Variants in AMOTL1 observed in about 807,000 individuals in gnomAD.
AMOTL1 encodes angiomotin-like protein 1.
A neutral mutation model predicts 102.9 loss-of-function variants in AMOTL1; 45 were observed. The ratio of observed to expected loss-of-function variants is 0.44; its 90% CI spans 0.34 to 0.56. AMOTL1 has a LOEUF of 0.56. Ranked by LOEUF, AMOTL1 falls within the 20% of genes least tolerant of loss-of-function variation. AMOTL1 has a pLI of 0.01. For synonymous variants in AMOTL1, 481 were observed against 484.7 expected, an observed-to-expected ratio of 0.99 and a Z score of 0.10; for missense variants, 1,114 against 1,225.6, an observed-to-expected ratio of 0.91 and a Z score of 1.36.
chr11:94,868,887 T>C (rs1952935000), intron 11 of AMOTL1, among the ~76,000 whole-genome samples: 3 of 151,026 alleles, frequency 2.0e-5, no homozygotes, highest in South Asian at 2.1e-4. Context: ...TTTATTTGTA[T>C]CCTACAGTTT....
intron 3 of AMOTL1, among the ~76,000 whole-genome samples, chr11:94,747,109 G>T (rs558285770): frequency 3.9e-5 from 6 of 152,014 alleles, no homozygotes; most frequent in Non-Finnish European, 8.8e-5. Context: ...AAAACTTGAA[G>T]TTTTGAAAGT....
rs1400699142 is a variant in AMOTL1 at position 94,866,181 on chromosome 11, C to T, written c.2488+13C>T. 1.2e-6 allele frequency: 2 copies of T among 1,611,824 alleles called. No individual in the cohort carries two copies. Among genetic ancestry groups the T allele is most frequent in the Non-Finnish European group, 1.7e-6 (2 of 1,178,240 alleles). On this transcript the variant is annotated intron_variant, in intron 11 of 12. Coordinates refer to ENST00000433060, the MANE Select transcript of AMOTL1 (RefSeq NM_130847.3). ...AAGGGGAGCATAGGTGAGCCCCACA[C>T]CTCTGTCAGACCATGATTGGAAAAG...
rs978424582 is a variant in AMOTL1 at position 94,799,308 on chromosome 11, T to C, written c.200-82T>C. Reference sequence around the variant, plus strand: ...TTTTTAAATGTTGCTGTAGTTAGAATGTTAATTATGTACCACATAGTCACA... The same window carrying C: ...TTTTTAAATGTTGCTGTAGTTAGAACGTTAATTATGTACCACATAGTCACA... On this transcript the variant is annotated intron_variant, in intron 2 of 12. Coordinates refer to ENST00000433060, the MANE Select transcript of AMOTL1 (RefSeq NM_130847.3). This position sits in a 1 kb window ranked among gnomAD's most constrained non-coding sequence, Gnocchi z 4.5. 6.2e-6 allele frequency: 7 copies of C among 1,127,234 alleles called. No homozygotes were observed. The African/African-American group carries it at 1.1e-4, about 18-fold the overall frequency. The allele number at this position is 1,127,234 out of a possible 1,614,324, so 69.8% of individuals were successfully genotyped here.
chr11:94,769,636 C>T (rs1310853969), intron 1 of AMOTL1, among the ~76,000 whole-genome samples: 2 of 152,118 alleles, frequency 1.3e-5, no homozygotes. Context: ...TTCCTGTCTC[C>T]GCGTGGCAAA....
chr11:94,757,609 G>C (rs1950742176), intron 3 of AMOTL1, among the ~76,000 whole-genome samples: 1 of 152,180 alleles, frequency 6.6e-6, no homozygotes, highest in Non-Finnish European at 1.5e-5. Context: ...GAACAGCTTA[G>C]TAGCAAATTC....
upstream of AMOTL1, among the ~76,000 whole-genome samples, chr11:94,764,674 T>C (rs1216369966): frequency 6.6e-6 from 1 of 152,192 alleles, no homozygotes; most frequent in Non-Finnish European, 1.5e-5. Flanking sequence ...GCCCATTCAG[T>C]GAAAGTATTA....
At chr11:94,864,587 T>C in intron 9 of AMOTL1, 148 bp from the exon 10 acceptor site, 1 of 1,064,638 alleles carries the variant, frequency 9.4e-7, no homozygotes, top group Non-Finnish European at 1.3e-6. Flanking sequence ...CTGGGGAAAT[T>C]GGGAGGGAAA....
At chr11:94,804,751 C>G (rs923803849) in intron 3 of AMOTL1, among the ~76,000 whole-genome samples, 1 of 152,134 alleles carries the variant, frequency 6.6e-6, no homozygotes, top group African/African-American at 2.4e-5. Context: ...TCAGCATAAA[C>G]TAAAATCTGT....
In AMOTL1 at chr11:94,873,776, TACACACACACACACAC is replaced by T. The variant is rs149500556; in HGVS notation, c.*3003_*3018del. ...TGTGATGTGTGTGTGCACGTGTAAC[TACACACACACACACAC>T]ACACACACACACACACACACAGCTA... is the stretch of plus-strand genomic sequence containing the variant. On this transcript the variant is annotated 3_prime_UTR_variant, in exon 13 of 13. Transcript: ENST00000433060. 7.0e-6 allele frequency: 1 copy of T among 142,476 alleles called. No individual in the cohort carries two copies. The highest frequency in any genetic ancestry group is 2.5e-5 in the African/African-American group (1 of 39,330). The allele number at this position is 142,476 out of a possible 1,614,324, so 8.8% of individuals were successfully genotyped here. A position where few individuals can be genotyped will look rare whatever the true frequency, so the allele number is the denominator to read the frequency against.
rs569720314 is a variant in AMOTL1, at chr11:94,818,135, C to G, written c.1122-3395C>G. 5.9e-5 allele frequency among the ~76,000 whole-genome samples: 9 copies of G among 152,312 alleles called. No homozygotes were observed. The South Asian group carries it at 1.7e-3, about 28-fold the overall frequency. On this transcript the variant is annotated intron_variant, in intron 3 of 12. Coordinates refer to ENST00000433060, the MANE Select transcript of AMOTL1 (RefSeq NM_130847.3). ...TTGTAATAGGACACAATTGGAGACA[C>G]TGGTTATTTTACCAAGGCTTTCATT...
rs769722607 is a variant in AMOTL1, at chr11:94,870,880, A to T, written c.*85A>T. 21 of 1,118,700 alleles carry T rather than the reference A, an allele frequency of 1.9e-5. No individual in the cohort carries two copies. The South Asian group carries it at 3.1e-4, about 17-fold the overall frequency. The allele number at this position is 1,118,700 out of a possible 1,614,324, so 69.3% of individuals were successfully genotyped here. ...AGAAGAAAGACCTAGAAGGTTGTAG[A>T]TGGGAAATCAGGAATGATTTGAACT... On this transcript the variant is annotated 3_prime_UTR_variant, in exon 13 of 13. Transcript: ENST00000433060.
intron 4 of AMOTL1, among the ~76,000 whole-genome samples, chr11:94,828,560 C>T (rs1166651720): frequency 6.6e-6 from 1 of 152,206 alleles, no homozygotes; most frequent in African/African-American, 2.4e-5. Context: ...CTACCTTGCC[C>T]TCATTCCTGG....
chr11:94,812,347 G>C (rs1951697264), intron 3 of AMOTL1, among the ~76,000 whole-genome samples: 2 of 152,300 alleles, frequency 1.3e-5, no homozygotes, highest in Admixed American at 1.3e-4. Context: ...AGGTGGGGGA[G>C]GGGGCTTCCA....
chr11:94,825,043 G>A (rs765128081), intron 4 of AMOTL1, among the ~76,000 whole-genome samples: 1 of 152,172 alleles, frequency 6.6e-6, no homozygotes, highest in Non-Finnish European at 1.5e-5. Context: ...AATGATGGTC[G>A]AGGACCCCCA....
chr11:94,750,503 G>A (rs1473634210), intron 3 of AMOTL1, among the ~76,000 whole-genome samples: 3 of 152,176 alleles, frequency 2.0e-5, no homozygotes, highest in Non-Finnish European at 4.4e-5. Context: ...AGGTCCTCCT[G>A]ATTGCGACAC....
intron 1 of AMOTL1, among the ~76,000 whole-genome samples, chr11:94,728,167 A>G (rs931544280): frequency 1.3e-5 from 2 of 152,184 alleles, no homozygotes; most frequent in African/African-American, 4.8e-5. Context: ...CTACATGCAG[A>G]GCGTTATCAA....
rs1267821506 is a variant in AMOTL1 at position 94,874,691 on chromosome 11, G to A, written c.*3896G>A. 1 of 152,204 alleles carries A rather than the reference G, an allele frequency of 6.6e-6. No individual in the cohort carries two copies. Among genetic ancestry groups the A allele is most frequent in the African/African-American group, 2.4e-5 (1 of 41,446 alleles). The allele number at this position is 152,204 out of a possible 1,614,324, so 9.4% of individuals were successfully genotyped here. A position where few individuals can be genotyped will look rare whatever the true frequency, so the allele number is the denominator to read the frequency against. ...AGTGGCTGTAGCACCTTCATGCCAG[G>A]TGCTGAGAGAATGGGAAATTCTTCC... On this transcript the variant is annotated 3_prime_UTR_variant, in exon 13 of 13. Transcript: ENST00000433060.
chr11:94,771,260 G>GGC (rs373483901), intron 1 of AMOTL1, among the ~76,000 whole-genome samples: 10 of 9,486 alleles, frequency 1.1e-3, no homozygotes, highest in East Asian at 0.029. Flanking sequence ...TGGCGGGGTT[G>GGC]GGGGGGGGGT....
intron 3 of AMOTL1, among the ~76,000 whole-genome samples, chr11:94,752,521 A>G (rs1013002377): frequency 5.3e-5 from 8 of 152,226 alleles, no homozygotes; most frequent in African/African-American, 1.7e-4. Flanking sequence ...ATTTATCCCC[A>G]TGGCACATAT....
Sources: allele counts gnomAD v4.1 joint callset (sites outside exome capture counted in the v4.1 genomes callset), GRCh38; gene constraint gnomAD v4.1.1; non-coding constraint Gnocchi (gnomAD v3.1); transcripts MANE v1.5; gene names NCBI Gene and HGNC (gene_info 2026-07-23, HGNC 2026-07-21).